CDH18: variants seen among roughly 807,000 people sequenced by gnomAD.
CDH18 encodes cadherin-18.
Under a neutral mutation model 67.9 loss-of-function variants are expected in CDH18, and 31 were observed. The observed-to-expected ratio is 0.46, with a 90% CI of 0.34 to 0.62. The LOEUF (loss-of-function observed/expected upper bound fraction) is 0.62. Among genes scored for constraint, CDH18 ranks in the 20% least tolerant of loss-of-function variants. The pLI, the probability that CDH18 is intolerant of heterozygous loss-of-function variation, is 0.01. For missense variants in CDH18, 890 were observed against 975.5 expected (o/e 0.91, Z 1.17); for synonymous variants, 362 against 347.2 (o/e 1.04, Z -0.48).
At chr5:20,490,632 T>C (rs1331052373) in intron 1 of CDH18, among the ~76,000 whole-genome samples, 4 of 152,106 alleles carry the variant, frequency 2.6e-5, no homozygotes, top group African/African-American at 4.8e-5. Flanking sequence ...GGAGGGTAAG[T>C]AAGTACATAG....
In CDH18 at chr5:19,515,913, C is replaced by T. The variant is rs866320276; in HGVS notation, c.1512+4744G>A. ...GAATAGGAGTGGTGAGAGAGGGCAT[C>T]CCTGTCTTGTGCCAGTTTTCAAAGG... On this transcript the variant is annotated intron_variant, in intron 10 of 12. Coordinates refer to ENST00000382275, the MANE Select transcript of CDH18 (RefSeq NM_004934.5). 2.6e-5 allele frequency among the ~76,000 whole-genome samples: 4 copies of T among 152,292 alleles called. No individual in the cohort carries two copies. In the South Asian group the frequency reaches 6.2e-4, roughly 24 times the overall value.
chr5:19,997,087 A>G (rs1736076891), intron 2 of CDH18, among the ~76,000 whole-genome samples: 1 of 152,070 alleles, frequency 6.6e-6, no homozygotes, highest in Non-Finnish European at 1.5e-5. Flanking sequence ...AAAAATAATT[A>G]CTTTCAATGA....
chr5:20,273,028 G>A (rs1232583161), intron 1 of CDH18, among the ~76,000 whole-genome samples: 1 of 152,010 alleles, frequency 6.6e-6, no homozygotes, highest in Non-Finnish European at 1.5e-5. Flanking sequence ...ACTATATGCT[G>A]ATAATCATTT....
intron 6 of CDH18, among the ~76,000 whole-genome samples, chr5:19,595,887 T>C (rs755899091): frequency 2.0e-5 from 3 of 152,216 alleles, no homozygotes; most frequent in Non-Finnish European, 4.4e-5. Flanking sequence ...AACATATCTT[T>C]TCCTGTGTAA....
chr5:19,793,056 T>C (rs550310093), intron 3 of CDH18, among the ~76,000 whole-genome samples: 65 of 152,240 alleles, frequency 4.3e-4, no homozygotes, highest in Admixed American at 1.2e-3. Flanking sequence ...TGAATGATAA[T>C]GCCTGTTCTT....
intron 3 of CDH18, among the ~76,000 whole-genome samples, chr5:19,796,385 G>A (rs1056935879): frequency 3.9e-5 from 6 of 152,050 alleles, no homozygotes; most frequent in Non-Finnish European, 5.9e-5. Context: ...AGTAGATTTC[G>A]CATGTAACAC....
intron 11 of CDH18, among the ~76,000 whole-genome samples, chr5:19,487,244 G>C (rs1486035072): frequency 6.6e-6 from 1 of 152,162 alleles, no homozygotes; most frequent in Non-Finnish European, 1.5e-5. Context: ...ATGATAGATA[G>C]ATTAGATAGA....
chr5:19,686,296 C>T (rs1761088925), intron 5 of CDH18, among the ~76,000 whole-genome samples: 1 of 151,900 alleles, frequency 6.6e-6, no homozygotes, highest in Non-Finnish European at 1.5e-5. Context: ...AAAAGAGTTT[C>T]CAAGTGTTAA....
In CDH18 at chr5:20,192,334, G is replaced by A. The variant is rs553848473; in HGVS notation, c.-518+63110C>T. ...CACACTGATGACAGCTTATTTTGCT[G>A]TGCAGAAGCTCTTTAGTTTAATTAG... On this transcript the variant is annotated intron_variant, in intron 2 of 14. Coordinates refer to the CDH18 transcript ENST00000507958. 3.8e-4 allele frequency among the ~76,000 whole-genome samples: 57 copies of A among 151,950 alleles called. No individual in the cohort carries two copies. In the Middle Eastern group the frequency reaches 0.02, roughly 54 times the overall value.
chr5:19,711,584 GA>G (rs1263095793), intron 5 of CDH18, among the ~76,000 whole-genome samples: 1 of 136,432 alleles, frequency 7.3e-6, no homozygotes, highest in African/African-American at 2.7e-5. Context: ...ATTCATCAGA[GA>G]AAGGTAAATT....
At chr5:20,185,230 C>T (rs1362343867) in intron 2 of CDH18, among the ~76,000 whole-genome samples, 1 of 152,028 alleles carries the variant, frequency 6.6e-6, no homozygotes, top group African/African-American at 2.4e-5. Flanking sequence ...TATCAGATCA[C>T]CTTCTAGCAG....
At chr5:20,207,855 C>A (rs757118307) in intron 2 of CDH18, among the ~76,000 whole-genome samples, 1 of 152,028 alleles carries the variant, frequency 6.6e-6, no homozygotes, top group Non-Finnish European at 1.5e-5. Flanking sequence ...CCTGAATAGT[C>A]AAAGCAATCC....
chr5:20,445,929 T>C (rs536553839), intron 1 of CDH18, among the ~76,000 whole-genome samples: 7 of 152,230 alleles, frequency 4.6e-5, no homozygotes, highest in East Asian at 3.9e-4. Flanking sequence ...AACTGCTTTT[T>C]ACAGAACTCA....
At chr5:19,892,513 G>A (rs868404973) in intron 2 of CDH18, among the ~76,000 whole-genome samples, 2 of 152,136 alleles carry the variant, frequency 1.3e-5, no homozygotes, top group Non-Finnish European at 1.5e-5. Context: ...AGTCTCCAAC[G>A]ATCTGTAATC....
chr5:20,486,687 A>G (rs1753202785), intron 1 of CDH18, among the ~76,000 whole-genome samples: 1 of 149,470 alleles, frequency 6.7e-6, no homozygotes, highest in African/African-American at 2.5e-5. Context: ...TTTTGTATAT[A>G]TATATATATA....
chr5:20,104,766 C>T (rs1206080081), intron 2 of CDH18, among the ~76,000 whole-genome samples: 2 of 152,002 alleles, frequency 1.3e-5, no homozygotes, highest in Non-Finnish European at 2.9e-5. Context: ...TATTCTAATG[C>T]TACCTTTTCC....
intron 7 of CDH18, among the ~76,000 whole-genome samples, chr5:19,575,566 G>A (rs1004888704): frequency 6.6e-6 from 1 of 152,182 alleles, no homozygotes; most frequent in Admixed American, 6.5e-5. Flanking sequence ...TTTGCAATGT[G>A]TTTTGTTTTA....
chr5:20,174,005 G>A (rs1032272641), intron 2 of CDH18, among the ~76,000 whole-genome samples: 1 of 152,056 alleles, frequency 6.6e-6, no homozygotes, highest in African/African-American at 2.4e-5. Flanking sequence ...CTTTAGGAAT[G>A]AAAAGCAAAG....
intron 3 of CDH18, among the ~76,000 whole-genome samples, chr5:19,789,976 C>T (rs1776192370): frequency 6.6e-6 from 1 of 151,412 alleles, no homozygotes; most frequent in Non-Finnish European, 1.5e-5. Flanking sequence ...ACATAATTAC[C>T]ATCGTTATTA....
Sources: gnomAD v4.1 joint callset for allele counts (sites outside exome capture counted in the v4.1 genomes callset) on GRCh38, gnomAD v4.1.1 for gene constraint, MANE v1.5 for transcripts, NCBI Gene and HGNC (gene_info 2026-07-23, HGNC 2026-07-21) for gene names.